Variants in ELN observed in about 807,000 individuals in gnomAD.
ELN encodes the protein tropoelastin.
In ELN, 65 loss-of-function variants were observed where a neutral mutation model predicts 105.8. The ratio of observed to expected loss-of-function variants is 0.61; its 90% CI spans 0.50 to 0.75. The LOEUF (loss-of-function observed/expected upper bound fraction) is 0.75. ELN is among the 30% of genes least tolerant of loss of function. The pLI is 0.00. For synonymous variants in ELN, 368 were observed against 389.2 expected (o/e 0.95, Z 0.64); for missense variants, 882 against 969.4 (o/e 0.91, Z 1.20).
intron 11 of ELN, 36 bp from the exon 12 acceptor site, chr7:74,046,660 T>A (rs1196356034): frequency 1.9e-6 from 3 of 1,611,656 alleles, no homozygotes; most frequent in Non-Finnish European, 1.7e-6. Flanking sequence ...TGGAAGGGGG[T>A]GCTGGGACCT....
chr7:74,060,537 G>A lies in ELN; in HGVS notation c.1747+36G>A, dbSNP rs782386024. 4.3e-6 allele frequency: 7 copies of A among 1,614,074 alleles called. No homozygotes were observed. The highest frequency in any genetic ancestry group is 1.3e-5 in the African/African-American group (1 of 74,936). On this transcript the variant is annotated intron_variant, in intron 25 of 32. Coordinates refer to ENST00000252034, the MANE Select transcript of ELN (RefSeq NM_000501.4). ...GGGAGTTAGGCGGAGCCTGTCCCCT[G>A]AGCTCAGGGAAGGAGATCCCTCCTC...
intron 1 of ELN, among the ~76,000 whole-genome samples, chr7:74,028,637 C>T (rs1787971663): frequency 6.6e-6 from 1 of 152,190 alleles, no homozygotes; most frequent in African/African-American, 2.4e-5. Flanking sequence ...AGTCTGCACA[C>T]CTGTGGACAC....
chr7:74,037,282 C>A (rs1790195666), intron 3 of ELN, among the ~76,000 whole-genome samples: 1 of 152,044 alleles, frequency 6.6e-6, no homozygotes, highest in Non-Finnish European at 1.5e-5. Flanking sequence ...TAACCTCCAC[C>A]TCCCAGGTTC....
chr7:74,033,338 G>C (rs1375327370), intron 1 of ELN, among the ~76,000 whole-genome samples: 1 of 152,226 alleles, frequency 6.6e-6, no homozygotes, highest in African/African-American at 2.4e-5. Context: ...TGAGGGAGAG[G>C]GGGAGAAAGA....
At chr7:74,052,962 C>T in intron 17 of ELN, 2 of 650,124 alleles carry the variant, frequency 3.1e-6, no homozygotes, top group Non-Finnish European at 5.3e-6. Flanking sequence ...CTCCAGCTCA[C>T]TGATTCAAAT....
At chr7:74,054,826 C>T in intron 19 of ELN, 57 bp downstream of exon 19, 1 of 1,592,870 alleles carries the variant, frequency 6.3e-7, no homozygotes, top group Non-Finnish European at 8.6e-7. Flanking sequence ...CTTGCCAGAA[C>T]TAAAGGACCC....
chr7:74,063,841 G>A lies in ELN; in HGVS notation c.1993+146G>A, dbSNP rs1244097150. ...CTCTTGGCCAGGTGCGGTGGCTCAC[G>A]CCTGCAATCCCAGCACTCTAGTAGG... On this transcript the variant is annotated intron_variant, in intron 29 of 32. Coordinates refer to ENST00000252034, the MANE Select transcript of ELN (RefSeq NM_000501.4). The surrounding 1 kb of genome is among the most constrained non-coding windows in gnomAD (Gnocchi z 4.1). The A allele has an allele frequency of 1.9e-5, 21 of 1,133,402 alleles. No individual in the cohort carries two copies. Among genetic ancestry groups the A allele is most frequent in the East Asian group, 1.3e-4 (5 of 39,308 alleles). 70.2% of individuals were successfully genotyped at this position (1,133,402 alleles called of 1,614,324 possible).
At chr7:74,048,453 G>A in intron 14 of ELN, 50 bp from the exon 15 acceptor site, 1 of 1,613,314 alleles carries the variant, frequency 6.2e-7, no homozygotes, top group Non-Finnish European at 8.5e-7. Context: ...GGGCTCTGGA[G>A]ATACAGGAGC....
Position 74,036,546 on chromosome 7 carries a change from C to A in ELN, c.134-9C>A, listed in dbSNP as rs1483402412. 1 of 1,613,900 alleles carries A rather than the reference C, an allele frequency of 6.2e-7. No individual in the cohort carries two copies. The highest frequency in any genetic ancestry group is 1.3e-5 in the African/African-American group (1 of 74,904). Reference sequence around the variant, plus strand: ...GATGATCTCTCTTTCTCTTTCTCTCCCCCCACAGGGGCTGGTCTCGGAGCC... The same window carrying A: ...GATGATCTCTCTTTCTCTTTCTCTCACCCCACAGGGGCTGGTCTCGGAGCC... On this transcript the variant is annotated splice_polypyrimidine_tract_variant and intron_variant, in intron 2 of 32. Coordinates refer to ENST00000252034, the MANE Select transcript of ELN (RefSeq NM_000501.4).
At chr7:74,066,271 TAGTG>T (rs1554689187) in intron 31 of ELN, among the ~76,000 whole-genome samples, 1 of 152,200 alleles carries the variant, frequency 6.6e-6, no homozygotes, top group African/African-American at 2.4e-5. Flanking sequence ...ACTCTGGCTG[TAGTG>T]AGGGGGATTG....
intron 11 of ELN, 62 bp from the exon 12 acceptor site, chr7:74,046,634 T>G (rs1792588791): frequency 1.3e-6 from 2 of 1,564,582 alleles, no homozygotes; most frequent in Non-Finnish European, 1.8e-6. Flanking sequence ...GAAAGTGGAG[T>G]GGGTGGCGGA....
At chr7:74,056,650 T>G (rs1795300720) in intron 20 of ELN, 22 bp from the exon 21 acceptor site, 1 of 1,613,866 alleles carries the variant, frequency 6.2e-7, no homozygotes, top group Non-Finnish European at 8.5e-7. Context: ...TGAGGGTCTC[T>G]TTCTTTCTCG....
chr7:74,063,823 C>T lies in ELN; in HGVS notation c.1993+128C>T. 1 of 1,333,750 alleles carries T rather than the reference C, an allele frequency of 7.5e-7. No individual in the cohort carries two copies. 82.6% of individuals were successfully genotyped at this position (1,333,750 alleles called of 1,614,324 possible). A position where few individuals can be genotyped will look rare whatever the true frequency, so the allele number is the denominator to read the frequency against. On this transcript the variant is annotated intron_variant, in intron 29 of 32. Coordinates refer to ENST00000252034, the MANE Select transcript of ELN (RefSeq NM_000501.4). The surrounding 1 kb of genome is among the most constrained non-coding windows in gnomAD (Gnocchi z 4.1). ...GTCTTTGCTCAAGATGTCCTCTTGGCCAGGTGCGGTGGCTCACGCCTGCAA... is the reference window on the plus strand; with the variant it reads ...GTCTTTGCTCAAGATGTCCTCTTGGTCAGGTGCGGTGGCTCACGCCTGCAA...
chr7:74,068,893 G>A lies in ELN; in HGVS notation c.*193G>A. The A allele has an allele frequency of 1.5e-6, 1 of 667,610 alleles. No homozygotes were observed. The highest frequency in any genetic ancestry group is 2.3e-5 in the Admixed American group (1 of 43,792). 41.4% of individuals were successfully genotyped at this position (667,610 alleles called of 1,614,324 possible). On this transcript the variant is annotated 3_prime_UTR_variant, in exon 33 of 33. Transcript: ENST00000252034. ...GAGCGGCCAAGTGCCCCGACCAGGAGGCCCCCTACTTCAGAGGCAAGGGCC... is the reference window on the plus strand; with the variant it reads ...GAGCGGCCAAGTGCCCCGACCAGGAAGCCCCCTACTTCAGAGGCAAGGGCC...
intron 15 of ELN, among the ~76,000 whole-genome samples, chr7:74,049,248 A>T (rs116311825): frequency 6.7e-6 from 1 of 149,976 alleles, no homozygotes; most frequent in Non-Finnish European, 1.5e-5. Flanking sequence ...CCATGCAGCC[A>T]TCTATCCATC....
intron 31 of ELN, 150 bp downstream of exon 31, chr7:74,066,147 C>T (rs1446191242): frequency 2.7e-5 from 31 of 1,151,396 alleles, no homozygotes; most frequent in Non-Finnish European, 3.6e-5. Flanking sequence ...TGCAGATGTA[C>T]TGGGCAAACG....
chr7:74,055,751 G>C (rs1436872451), intron 19 of ELN, among the ~76,000 whole-genome samples: 1 of 149,856 alleles, frequency 6.7e-6, no homozygotes, highest in Admixed American at 6.7e-5. Flanking sequence ...AAAGTGCTGG[G>C]ATTATGGGCA....
chr7:74,029,879 C>G (rs1788282444), intron 1 of ELN, among the ~76,000 whole-genome samples: 1 of 152,192 alleles, frequency 6.6e-6, no homozygotes. Context: ...CTCCGGCAGG[C>G]TAAGGCAGTC....
intron 14 of ELN, 106 bp from the exon 15 acceptor site, chr7:74,048,397 A>G (rs1793071153): frequency 6.5e-7 from 1 of 1,546,956 alleles, no homozygotes. Flanking sequence ...GCTCCCATGT[A>G]TACCCACATG....
Sources: allele counts gnomAD v4.1 joint callset (sites outside exome capture counted in the v4.1 genomes callset), GRCh38; gene constraint gnomAD v4.1.1; non-coding constraint Gnocchi (gnomAD v3.1); transcripts MANE v1.5; gene names NCBI Gene and HGNC (gene_info 2026-07-23, HGNC 2026-07-21).